Variants in LARP1B observed in about 807,000 individuals in gnomAD.
The protein encoded by LARP1B is La ribonucleoprotein 1B.
In LARP1B, 76 loss-of-function variants were observed where a neutral mutation model predicts 114.2. That is an observed-to-expected ratio of 0.67 (90% CI 0.55 to 0.81). LARP1B has a LOEUF of 0.81. LARP1B is among the 30% of genes least tolerant of loss of function. The pLI, the probability that LARP1B is intolerant of heterozygous loss-of-function variation, is 0.00. For missense variants in LARP1B, 1,014 were observed against 1,075.8 expected (o/e 0.94, Z 0.80); for synonymous variants, 345 against 348.0 (o/e 0.99, Z 0.10).
In LARP1B at chr4:128,211,220, T is replaced by C. The variant is rs1013285668; in HGVS notation, c.*1167T>C. The C allele has an allele frequency of 5.3e-6, 5 of 939,802 alleles. No homozygotes were observed. The highest frequency in any genetic ancestry group is 6.2e-5 in the Admixed American group (1 of 16,186). 58.2% of individuals were successfully genotyped at this position (939,802 alleles called of 1,614,324 possible). On this transcript the variant is annotated 3_prime_UTR_variant, in exon 20 of 20. Coordinates refer to ENST00000326639, the MANE Select transcript of LARP1B (RefSeq NM_018078.4). ...AGTTTTGCTAGTAAAAGACCATTTT[T>C]TTGTGTGAATGAAGTTTCAATTATA...
At chr4:128,069,319 G>C in intron 1 of LARP1B, 1 of 811,288 alleles carries the variant, frequency 1.2e-6, no homozygotes, top group Non-Finnish European at 2.2e-6. Context: ...CCAGCTTGCC[G>C]CTTTGCAATG....
intron 12 of LARP1B, among the ~76,000 whole-genome samples, chr4:128,170,841 A>T (rs1008583854): frequency 2.1e-5 from 3 of 139,992 alleles, no homozygotes; most frequent in African/African-American, 7.9e-5. Flanking sequence ...ATTTAGGTCA[A>T]CCTTTTTATT....
At chr4:128,066,195 G>C (rs1460750521) in intron 1 of LARP1B, among the ~76,000 whole-genome samples, 1 of 31,422 alleles carries the variant, frequency 3.2e-5, no homozygotes, top group East Asian at 7.7e-4. Context: ...TTGTTATATT[G>C]AGACAGAGTC....
At chr4:128,075,758 G>A (rs7661418) in intron 3 of LARP1B, among the ~76,000 whole-genome samples, 2,028 of 152,088 alleles carry the variant, frequency 0.013, 39 homozygotes, top group African/African-American at 0.045. Context: ...TGTTGCCCAG[G>A]CTGGTATCAA....
intron 1 of LARP1B, among the ~76,000 whole-genome samples, chr4:128,066,610 T>C (rs1763004097): frequency 6.6e-6 from 1 of 151,460 alleles, no homozygotes; most frequent in Non-Finnish European, 1.5e-5. Context: ...GCCAAGTAGC[T>C]GGGATAACAG....
intron 11 of LARP1B, among the ~76,000 whole-genome samples, chr4:128,138,739 CCTG>C (rs1726564544): frequency 6.6e-6 from 1 of 152,124 alleles, no homozygotes; most frequent in Non-Finnish European, 1.5e-5. Context: ...AGGTGGATTA[CCTG>C]AGGTCAGGAG....
At chr4:128,169,609 A>G (rs1200540713) in intron 12 of LARP1B, among the ~76,000 whole-genome samples, 4 of 151,180 alleles carry the variant, frequency 2.6e-5, no homozygotes, top group Non-Finnish European at 5.9e-5. Flanking sequence ...CTCTATCTCT[A>G]TTTCTATCTT....
intron 1 of LARP1B, among the ~76,000 whole-genome samples, chr4:128,065,210 G>A (rs1485381417): frequency 6.6e-6 from 1 of 151,800 alleles, no homozygotes; most frequent in Non-Finnish European, 1.5e-5. Flanking sequence ...TAGTAACCAT[G>A]GTCTCTTCCC....
intron 17 of LARP1B, among the ~76,000 whole-genome samples, chr4:128,204,484 A>G (rs1168412891): frequency 1.3e-5 from 2 of 151,740 alleles, no homozygotes; most frequent in Non-Finnish European, 2.9e-5. Context: ...GTGAAACCCC[A>G]TCTCTACTAA....
chr4:128,065,315 T>TTCTTTC (rs1300396452), intron 1 of LARP1B, among the ~76,000 whole-genome samples: 57 of 80,652 alleles, frequency 7.1e-4, no homozygotes, highest in African/African-American at 2.1e-3. Context: ...CTTTCTTTCT[T>TTCTTTC]TCTCTCTCTC....
rs918455345 is a variant in LARP1B at position 128,210,571 on chromosome 4, G to T, written c.*518G>T. 5.3e-6 allele frequency: 5 copies of T among 947,122 alleles called. No homozygotes were observed. Among genetic ancestry groups the T allele is most frequent in the Non-Finnish European group, 6.3e-6 (5 of 794,902 alleles). The allele number at this position is 947,122 out of a possible 1,614,324, so 58.7% of individuals were successfully genotyped here. A position where few individuals can be genotyped will look rare whatever the true frequency, so the allele number is the denominator to read the frequency against. The stretch of plus-strand genomic sequence containing the variant: ...GTATATGTTTTTTAAATTCAAAAAA[G>T]AATATGAAATTATACCTTTAGTATC... On this transcript the variant is annotated 3_prime_UTR_variant, in exon 20 of 20. Coordinates refer to ENST00000326639, the MANE Select transcript of LARP1B (RefSeq NM_018078.4).
At chr4:128,104,966 T>C (rs1297413028) in intron 8 of LARP1B, among the ~76,000 whole-genome samples, 2 of 152,208 alleles carry the variant, frequency 1.3e-5, no homozygotes, top group Non-Finnish European at 2.9e-5. Flanking sequence ...ACCACCACTA[T>C]TGGGAGTTTG....
intron 11 of LARP1B, among the ~76,000 whole-genome samples, chr4:128,144,447 G>C (rs1729435784): frequency 6.6e-6 from 1 of 151,834 alleles, no homozygotes; most frequent in South Asian, 2.1e-4. Context: ...TTTTACTTGG[G>C]AATTCACTTA....
chr4:128,063,502 G>A (rs1196882630), intron 1 of LARP1B, among the ~76,000 whole-genome samples: 26 of 136,132 alleles, frequency 1.9e-4, no homozygotes, highest in Non-Finnish European at 4.1e-4. Context: ...GTATCTGGCC[G>A]GGCGCGGTGG....
At chr4:128,167,695 C>T (rs1741745250) in intron 12 of LARP1B, among the ~76,000 whole-genome samples, 1 of 151,992 alleles carries the variant, frequency 6.6e-6, no homozygotes, top group Non-Finnish European at 1.5e-5. Flanking sequence ...ATTTTGGGAA[C>T]TTTGACAGAT....
intron 5 of LARP1B, among the ~76,000 whole-genome samples, chr4:128,083,518 C>T (rs576803576): frequency 3.2e-4 from 47 of 148,566 alleles, no homozygotes; most frequent in Admixed American, 1.4e-3. Flanking sequence ...CCAGTAGGGG[C>T]GGCCGGGCAG....
chr4:128,197,385 C>T (rs1217911364), intron 15 of LARP1B, among the ~76,000 whole-genome samples: 1 of 152,148 alleles, frequency 6.6e-6, no homozygotes, highest in Non-Finnish European at 1.5e-5. Flanking sequence ...CAGTTGTTTT[C>T]CTTGACATTA....
In LARP1B at chr4:128,094,619, C is replaced by T. The variant is rs373824703; in HGVS notation, c.668+3107C>T. Among the ~76,000 whole-genome samples, 5 of 151,868 alleles carry T rather than the reference C, an allele frequency of 3.3e-5. No individual in the cohort carries two copies. The East Asian group carries it at 5.8e-4, about 18-fold the overall frequency. Reference sequence around the variant, plus strand: ...ACAGGGTTTTGCCATGTTGCCCCATCTGGTCTCGAATGCCTGAGCTCAAAG... The same window carrying T: ...ACAGGGTTTTGCCATGTTGCCCCATTTGGTCTCGAATGCCTGAGCTCAAAG... On this transcript the variant is annotated intron_variant, in intron 7 of 19. Coordinates refer to ENST00000326639, the MANE Select transcript of LARP1B (RefSeq NM_018078.4).
intron 1 of LARP1B, among the ~76,000 whole-genome samples, chr4:128,067,097 C>A (rs952799733): frequency 6.6e-6 from 1 of 152,028 alleles, no homozygotes; most frequent in Non-Finnish European, 1.5e-5. Context: ...GGTGAGCCAC[C>A]ATGGTTGACC....
Sources: gnomAD v4.1 joint callset for allele counts (sites outside exome capture counted in the v4.1 genomes callset) on GRCh38, gnomAD v4.1.1 for gene constraint, MANE v1.5 for transcripts, NCBI Gene and HGNC (gene_info 2026-07-23, HGNC 2026-07-21) for gene names.